The following MAST2 variants were observed in gnomAD, a reference collection of about 807,000 sequenced individuals.
The protein encoded by MAST2 is microtubule associated serine/threonine kinase 2.
In MAST2, 70 loss-of-function variants were observed where a neutral mutation model predicts 147.4. That is an observed-to-expected ratio of 0.47 (90% CI 0.39 to 0.58). The LOEUF (loss-of-function observed/expected upper bound fraction) is 0.58. Among genes scored for constraint, MAST2 ranks in the 20% least tolerant of loss-of-function variants. The probability of loss-of-function intolerance (pLI) is 0.00; values close to 1 mark genes in which losing one functional copy is unlikely to be tolerated. For synonymous variants in MAST2, 869 were observed against 896.8 expected (o/e 0.97, Z 0.55); for missense variants, 2,080 against 2,302.3 (o/e 0.90, Z 1.98).
intron 5 of MAST2, among the ~76,000 whole-genome samples, chr1:45,974,473 G>A (rs566000863): frequency 6.6e-6 from 1 of 152,296 alleles, no homozygotes; most frequent in Non-Finnish European, 1.5e-5. Context: ...TTGCATACCT[G>A]TAGTTCCAGC....
chr1:45,903,936 A>G (rs1480755898), intron 4 of MAST2, among the ~76,000 whole-genome samples: 2 of 152,168 alleles, frequency 1.3e-5, no homozygotes, highest in Non-Finnish European at 2.9e-5. Context: ...AGTTTTTGCT[A>G]ATTTGTTATG....
At chr1:45,837,843 A>G (rs1370440901) in intron 3 of MAST2, among the ~76,000 whole-genome samples, 3 of 152,170 alleles carry the variant, frequency 2.0e-5, no homozygotes, top group East Asian at 1.9e-4. Context: ...CCGTGGCACA[A>G]TCTCGGCTCA....
At chr1:45,859,075 A>G (rs900247214) in intron 3 of MAST2, among the ~76,000 whole-genome samples, 1 of 152,008 alleles carries the variant, frequency 6.6e-6, no homozygotes, top group Admixed American at 6.6e-5. Flanking sequence ...TTGGCTTAGG[A>G]TTGTCTTGGC....
At chr1:45,817,112 C>A (rs1451268728) in intron 1 of MAST2, among the ~76,000 whole-genome samples, 4 of 152,140 alleles carry the variant, frequency 2.6e-5, no homozygotes, top group Non-Finnish European at 5.9e-5. Flanking sequence ...AAAGGCAAAT[C>A]TAAGCGTTTT....
chr1:45,874,876 A>G (rs985284842), intron 3 of MAST2, among the ~76,000 whole-genome samples: 8 of 152,228 alleles, frequency 5.3e-5, no homozygotes, highest in African/African-American at 1.9e-4. Context: ...AACTGTAGAA[A>G]AACTTGCCAG....
intron 4 of MAST2, among the ~76,000 whole-genome samples, chr1:45,928,136 G>A (rs189012612): frequency 7.2e-4 from 110 of 152,202 alleles, no homozygotes; most frequent in African/African-American, 2.3e-3. Flanking sequence ...CCCCAGTATC[G>A]TCTACATTGT....
chr1:45,831,218 T>C (rs1644947438), intron 3 of MAST2, among the ~76,000 whole-genome samples: 1 of 152,156 alleles, frequency 6.6e-6, no homozygotes, highest in Non-Finnish European at 1.5e-5. Context: ...CATCTCACAC[T>C]GTTCCCTCTA....
At chr1:45,883,075 C>G (rs1178989071) in intron 4 of MAST2, among the ~76,000 whole-genome samples, 1 of 152,060 alleles carries the variant, frequency 6.6e-6, no homozygotes, top group East Asian at 1.9e-4. Context: ...GCCCAAAAAC[C>G]TGTACTGTAT....
chr1:45,996,211 G>A (rs1429901522), intron 5 of MAST2, among the ~76,000 whole-genome samples: 2 of 151,744 alleles, frequency 1.3e-5, no homozygotes, highest in Non-Finnish European at 2.9e-5. Flanking sequence ...TGGAAGGCTG[G>A]TCATTGTAGG....
chr1:45,938,980 A>G (rs750657111), intron 4 of MAST2, among the ~76,000 whole-genome samples: 12 of 151,962 alleles, frequency 7.9e-5, no homozygotes, highest in Non-Finnish European at 1.6e-4. Context: ...ATGATTTGCA[A>G]TTATTTTCTC....
At chr1:45,921,813 G>A (rs564158319) in intron 4 of MAST2, among the ~76,000 whole-genome samples, 10 of 151,286 alleles carry the variant, frequency 6.6e-5, no homozygotes, top group Non-Finnish European at 1.5e-4. Context: ...CCTTCTTGTC[G>A]CCCACAATGT....
chr1:46,012,924 TACA>T (rs1645774760), intron 10 of MAST2, among the ~76,000 whole-genome samples: 1 of 151,980 alleles, frequency 6.6e-6, no homozygotes, highest in Non-Finnish European at 1.5e-5. Flanking sequence ...GTGCTGGGAT[TACA>T]GGTGTGAGCT....
chr1:45,900,997 T>C (rs1011586565), intron 4 of MAST2, among the ~76,000 whole-genome samples: 1 of 152,242 alleles, frequency 6.6e-6, no homozygotes, highest in Non-Finnish European at 1.5e-5. Flanking sequence ...AGAAGCTCTT[T>C]AGTTTAATTA....
intron 16 of MAST2, among the ~76,000 whole-genome samples, chr1:46,026,558 G>C (rs1311547124): frequency 1.3e-5 from 2 of 152,172 alleles, no homozygotes; most frequent in African/African-American, 4.8e-5. Flanking sequence ...AGCTCACTCT[G>C]CCGGTGAAAA....
intron 3 of MAST2, among the ~76,000 whole-genome samples, chr1:45,880,651 G>T (rs1048728974): frequency 1.1e-4 from 16 of 151,998 alleles, no homozygotes; most frequent in African/African-American, 3.9e-4. Flanking sequence ...TAAAATAAGC[G>T]AATTTTACAA....
At chr1:45,913,222 T>A (rs1651946242) in intron 4 of MAST2, among the ~76,000 whole-genome samples, 2 of 152,194 alleles carry the variant, frequency 1.3e-5, no homozygotes, top group African/African-American at 4.8e-5. Context: ...AGCCCTAACA[T>A]TAAAGCCCTG....
At position 46,029,578 on chromosome 1, in the gene MAST2, C is replaced by A; in HGVS notation, c.2320+11C>A. 6.2e-7 allele frequency: 1 copy of A among 1,610,728 alleles called. No homozygotes were observed. Among genetic ancestry groups the A allele is most frequent in the African/African-American group, 1.3e-5 (1 of 74,914 alleles). ...AGAGACTTGGCACAGGTAGGGCAGG[C>A]CCTGCTAACTTTTCTCACTACTTGG... On this transcript the variant is annotated intron_variant, in intron 19 of 28. Coordinates refer to ENST00000361297, the MANE Select transcript of MAST2 (RefSeq NM_015112.3).
At chr1:45,894,594 A>G (rs1434281050) in intron 4 of MAST2, among the ~76,000 whole-genome samples, 2 of 152,204 alleles carry the variant, frequency 1.3e-5, no homozygotes, top group Non-Finnish European at 2.9e-5. Flanking sequence ...GGATGGCAGT[A>G]AACAGTAAAC....
At chr1:45,808,861 C>A (rs1644213800) in intron 1 of MAST2, among the ~76,000 whole-genome samples, 1 of 152,012 alleles carries the variant, frequency 6.6e-6, no homozygotes, top group Non-Finnish European at 1.5e-5. Context: ...AGCCTGAAGA[C>A]CTTGGCATTC....
Sources: allele counts gnomAD v4.1 joint callset (sites outside exome capture counted in the v4.1 genomes callset), GRCh38; gene constraint gnomAD v4.1.1; transcripts MANE v1.5; gene names NCBI Gene and HGNC (gene_info 2026-07-23, HGNC 2026-07-21).